SPTBN1: variants seen among roughly 807,000 people sequenced by gnomAD.
SPTBN1 encodes spectrin beta, non-erythrocytic 1, also known as spectrin beta chain, non-erythrocytic 1.
Under a neutral mutation model 266.4 loss-of-function variants are expected in SPTBN1, and 32 were observed. The ratio of observed to expected loss-of-function variants is 0.12; its 90% confidence interval spans 0.09 to 0.16. SPTBN1 has a LOEUF of 0.16. Among genes scored for constraint, SPTBN1 ranks in the 10% least tolerant of loss-of-function variants. The pLI, the probability that SPTBN1 is intolerant of heterozygous loss-of-function variation, is 1.00. For synonymous variants in SPTBN1, 1,336 were observed against 1,162.2 expected (o/e 1.15, Z -3.04); for missense variants, 2,296 against 3,067.1 (o/e 0.75, Z 5.94).
At chr2:54,570,168 T>C (rs535749965) in intron 2 of SPTBN1, among the ~76,000 whole-genome samples, 2 of 152,184 alleles carry the variant, frequency 1.3e-5, no homozygotes, top group Admixed American at 1.3e-4. Flanking sequence ...GCCAGACTCA[T>C]ATTAACTGCC....
intron 1 of SPTBN1, among the ~76,000 whole-genome samples, chr2:54,510,899 T>C (rs1245415846): frequency 6.6e-6 from 1 of 152,220 alleles, no homozygotes; most frequent in Non-Finnish European, 1.5e-5. Context: ...TAAGATCTTA[T>C]TTTCATTTTG....
intron 1 of SPTBN1, among the ~76,000 whole-genome samples, chr2:54,469,604 G>A (rs1693814185): frequency 6.6e-6 from 1 of 152,184 alleles, no homozygotes; most frequent in Non-Finnish European, 1.5e-5. Flanking sequence ...TGATCTTGAG[G>A]CAGCTGCAAA....
At chr2:54,660,692 A>G in intron 32 of SPTBN1, 1 of 985,432 alleles carries the variant, frequency 1.0e-6, no homozygotes, top group East Asian at 1.1e-4. Flanking sequence ...GTCATTTATT[A>G]CTTTTTACAA....
chr2:54,654,927 G>A, intron 27 of SPTBN1, 143 bp from the exon 28 acceptor site: 1 of 1,207,314 alleles, frequency 8.3e-7, no homozygotes, highest in Non-Finnish European at 1.1e-6. Context: ...CCCAGCCTAA[G>A]CTCAGGGAGT....
At chr2:54,508,731 A>G (rs1459823309) in intron 1 of SPTBN1, among the ~76,000 whole-genome samples, 2 of 152,188 alleles carry the variant, frequency 1.3e-5, no homozygotes, top group Non-Finnish European at 2.9e-5. Context: ...CCTGAGGGAT[A>G]GAAGTTGGAA....
At chr2:54,608,050 T>C (rs1676964960) in intron 3 of SPTBN1, among the ~76,000 whole-genome samples, 1 of 152,206 alleles carries the variant, frequency 6.6e-6, no homozygotes, top group African/African-American at 2.4e-5. Context: ...GGCTGGCTGC[T>C]GCCCTTAATT....
chr2:54,489,114 A>G (rs572434639), intron 1 of SPTBN1, among the ~76,000 whole-genome samples: 3 of 148,098 alleles, frequency 2.0e-5, no homozygotes. Context: ...TGAGCTCAGG[A>G]GTTCAAGACT....
chr2:54,566,906 G>A (rs1390264217), intron 2 of SPTBN1, among the ~76,000 whole-genome samples: 1 of 152,128 alleles, frequency 6.6e-6, no homozygotes, highest in Non-Finnish European at 1.5e-5. Context: ...GCAGTTGTTG[G>A]CACTAACTTA....
intron 32 of SPTBN1, chr2:54,661,777 C>G (rs896976444): frequency 2.0e-6 from 2 of 985,254 alleles, no homozygotes; most frequent in Admixed American, 1.2e-4. Context: ...ATCATCAGGA[C>G]TGACACCCAA....
rs1487714133 is a variant in SPTBN1, at chr2:54,526,503, G to A, written c.85G>A (p.Asp29Asn). 4 of 1,614,046 alleles carry A rather than the reference G, an allele frequency of 2.5e-6. No homozygotes were observed. The highest frequency in any genetic ancestry group is 3.4e-6 in the Non-Finnish European group (4 of 1,180,040). Residue 29 changes from aspartate to asparagine, a missense_variant, in exon 2 of 36, where the codon GAC (aspartate) becomes AAC (asparagine). Coordinates refer to ENST00000356805, the MANE Select transcript of SPTBN1 (RefSeq NM_003128.3). ...SDVNNRWDVD[D>N]WDNENSSARL... ...TGTCAACAACCGCTGGGATGTCGAC[G>A]ACTGGGACAATGAGAACAGCTCTGC...
intron 30 of SPTBN1, among the ~76,000 whole-genome samples, chr2:54,658,714 G>A (rs1003216988): frequency 1.3e-5 from 2 of 152,178 alleles, no homozygotes; most frequent in East Asian, 1.9e-4. Context: ...GCTTTTTAAT[G>A]TGTTGTTTGG....
At position 54,629,202 on chromosome 2, in the gene SPTBN1, C is replaced by T. The variant is rs922659479; in HGVS notation, c.2068C>T (p.Arg690Cys). Residue 690 changes from arginine (R) to cysteine (C), a missense_variant, in exon 14 of 36, where the codon CGC becomes TGC. Around this residue, in one of 12 missense-constraint regions of SPTBN1, gnomAD observed 434 missense variants for 573.9 expected, o/e 0.76. Coordinates refer to ENST00000356805, the MANE Select transcript of SPTBN1 (RefSeq NM_003128.3). ...GGCGTTCGAGGACGAGATGAGCGGC[C>T]GCAGTGGCCACTTTGAGCAGGCCAT... is the stretch of plus-strand genomic sequence containing the variant. ...HRAFEDEMSG[R>C]SGHFEQAIKE... 2 of 1,613,638 alleles carry T rather than the reference C, an allele frequency of 1.2e-6. No individual in the cohort carries two copies. Among genetic ancestry groups the T allele is most frequent in the Non-Finnish European group, 1.7e-6 (2 of 1,179,954 alleles).
intron 1 of SPTBN1, among the ~76,000 whole-genome samples, chr2:54,515,525 ATTAT>A (rs565148928): frequency 2.0e-5 from 3 of 150,958 alleles, no homozygotes; most frequent in Non-Finnish European, 4.4e-5. Flanking sequence ...AATTTTTTAG[ATTAT>A]TTATTTATTT....
In SPTBN1 at chr2:54,575,301, A is replaced by G. The variant is rs191444025; in HGVS notation, c.149-23791A>G. ...AACCAGTCAGGTTTTCCCAATATCAATTTCTTTTTATTTTCTTTTCTGCAA... is the reference window on the plus strand; with the variant it reads ...AACCAGTCAGGTTTTCCCAATATCAGTTTCTTTTTATTTTCTTTTCTGCAA... On this transcript the variant is annotated intron_variant, in intron 2 of 35. Coordinates refer to ENST00000356805, the MANE Select transcript of SPTBN1 (RefSeq NM_003128.3). 5.1e-3 allele frequency among the ~76,000 whole-genome samples: 783 copies of G among 152,330 alleles called. 5 individuals carry two copies. Among genetic ancestry groups the G allele is most frequent in the Non-Finnish European group, 9.1e-3 (619 of 68,032 alleles).
At chr2:54,465,673 A>G (rs893101789) in intron 1 of SPTBN1, among the ~76,000 whole-genome samples, 1 of 88,946 alleles carries the variant, frequency 1.1e-5, no homozygotes, top group Admixed American at 1.4e-4. Context: ...TATATATCTC[A>G]CACATGGGAG....
intron 1 of SPTBN1, among the ~76,000 whole-genome samples, chr2:54,495,350 TATGTG>T (rs1668912089): frequency 6.6e-6 from 1 of 152,144 alleles, no homozygotes; most frequent in South Asian, 2.1e-4. Flanking sequence ...AAGGAACCCT[TATGTG>T]ATGCCACCCC....
At chr2:54,655,576 G>C (rs28710338) in intron 28 of SPTBN1, among the ~76,000 whole-genome samples, 13,596 of 152,248 alleles carry the variant, frequency 0.089, 766 homozygotes, top group African/African-American at 0.15. Context: ...TATTAGGTGC[G>C]TGTGTGGCCC....
rs1402848509 is a variant in SPTBN1 at position 54,668,614 on chromosome 2, A to C, written c.*45A>C. The C allele has an allele frequency of 6.5e-7, 1 of 1,545,780 alleles. No individual in the cohort carries two copies. On this transcript the variant is annotated 3_prime_UTR_variant, in exon 36 of 36. Coordinates refer to ENST00000356805, the MANE Select transcript of SPTBN1 (RefSeq NM_003128.3). ...TGCCCTTCTCTTACCTTTTCAGTGA[A>C]ATTCCAGCATGCAAGCTCAGAACCA... is the stretch of plus-strand genomic sequence containing the variant.
At chr2:54,599,548 G>C (rs561646519) in intron 3 of SPTBN1, among the ~76,000 whole-genome samples, 15 of 152,322 alleles carry the variant, frequency 9.8e-5, no homozygotes, top group Non-Finnish European at 1.9e-4. Flanking sequence ...GAAGGGCCAG[G>C]CTTGGGCGCT....
Sources: allele counts gnomAD v4.1 joint callset (sites outside exome capture counted in the v4.1 genomes callset), GRCh38; gene constraint gnomAD v4.1.1; regional missense constraint gnomAD v4.1.1; transcripts MANE v1.5; gene names NCBI Gene and HGNC (gene_info 2026-07-23, HGNC 2026-07-21).